Variants in BST1 observed in about 807,000 individuals in gnomAD.
The protein encoded by BST1 is ADP-ribosyl cyclase/cyclic ADP-ribose hydrolase 2.
BST1 carries 49 observed loss-of-function variants against 40.6 expected under a neutral mutation model. The ratio of observed to expected loss-of-function variants is 1.21; its 90% CI spans 0.96 to 1.53. BST1 has a LOEUF of 1.53. Ranked by LOEUF, BST1 falls within the 40% of genes most tolerant of loss-of-function variation. The pLI is 0.00. For synonymous variants in BST1, 157 were observed against 159.3 expected, an observed-to-expected ratio of 0.99 and a Z score of 0.11; for missense variants, 423 against 395.9, an observed-to-expected ratio of 1.07 and a Z score of -0.58.
the BST1 span, among the ~76,000 whole-genome samples, chr4:15,770,855 T>C: frequency 6.6e-6 from 1 of 152,198 alleles, no homozygotes; most frequent in Non-Finnish European, 1.5e-5. Context: ...GATTCAACTC[T>C]CAAAAGAATT....
chr4:15,722,294 T>C (rs1233141376), intron 7 of BST1, among the ~76,000 whole-genome samples: 6 of 152,256 alleles, frequency 3.9e-5, no homozygotes, highest in Non-Finnish European at 7.3e-5. Context: ...GCTTTCTCAA[T>C]TGTAAATTGG....
chr4:15,740,979 G>C (rs117990951), downstream of BST1, among the ~76,000 whole-genome samples: 1 of 151,900 alleles, frequency 6.6e-6, no homozygotes, highest in Non-Finnish European at 1.5e-5. Context: ...GTCATGAACC[G>C]CAGAGTTGAG....
chr4:15,758,183 G>A, the BST1 span, among the ~76,000 whole-genome samples: 2 of 151,908 alleles, frequency 1.3e-5, no homozygotes, highest in Non-Finnish European at 2.9e-5. Flanking sequence ...ACATGGGCAG[G>A]TTTGTTACAC....
chr4:15,707,699 A>G, intron 3 of BST1, 53 bp downstream of exon 3: 1 of 1,596,298 alleles, frequency 6.3e-7, no homozygotes, highest in Non-Finnish European at 8.5e-7. Flanking sequence ...TTTACTATGC[A>G]TTACCATTTG....
rs932629232 is a variant in BST1 at position 15,717,021 on chromosome 4, C to G, written c.704+1222C>G. ...TGAATTCCTGACCTCAGGTGATCCA[C>G]CTGAGGCTTCAGCCTCCCAAAGTAC... is the stretch of plus-strand genomic sequence containing the variant. On this transcript the variant is annotated intron_variant, in intron 6 of 8. Coordinates refer to ENST00000265016, the MANE Select transcript of BST1 (RefSeq NM_004334.3). Among the ~76,000 whole-genome samples, 5 of 152,112 alleles carry G rather than the reference C, an allele frequency of 3.3e-5. No homozygotes were observed. In the East Asian group the frequency reaches 9.6e-4, roughly 29 times the overall value.
At chr4:15,745,285 C>T in the BST1 span, among the ~76,000 whole-genome samples, 1 of 152,076 alleles carries the variant, frequency 6.6e-6, no homozygotes, top group African/African-American at 2.4e-5. Context: ...AAAATTATGA[C>T]ACCAATATTT....
At chr4:15,758,306 C>A in the BST1 span, among the ~76,000 whole-genome samples, 26,656 of 152,052 alleles carry the variant, frequency 0.18, 2,527 homozygotes, top group African/African-American at 0.24. Flanking sequence ...CGCCCTGTCT[C>A]CTCTAGTAGT....
downstream of BST1, among the ~76,000 whole-genome samples, chr4:15,743,042 T>C (rs1466670042): frequency 6.6e-6 from 1 of 152,236 alleles, no homozygotes; most frequent in African/African-American, 2.4e-5. Flanking sequence ...TAATTTTTCC[T>C]TATACTTTAA....
In BST1 at chr4:15,711,798, A is replaced by G. The variant is rs765530564; in HGVS notation, c.452-9A>G. On this transcript the variant is annotated splice_polypyrimidine_tract_variant and intron_variant, in intron 3 of 8. Coordinates refer to ENST00000265016, the MANE Select transcript of BST1 (RefSeq NM_004334.3). ...TGGAATAAAATGTGTTTGTCTACTTACCCCTTAGGACTCGATTACCAATCC... is the reference window on the plus strand; with the variant it reads ...TGGAATAAAATGTGTTTGTCTACTTGCCCCTTAGGACTCGATTACCAATCC... The G allele has an allele frequency of 1.6e-5, 25 of 1,603,616 alleles. No individual in the cohort carries two copies. Among genetic ancestry groups the G allele is most frequent in the Non-Finnish European group, 2.1e-5 (24 of 1,170,602 alleles).
the BST1 span, among the ~76,000 whole-genome samples, chr4:15,747,437 A>G: frequency 6.6e-6 from 1 of 152,116 alleles, no homozygotes; most frequent in South Asian, 2.1e-4. Flanking sequence ...TCCCATAATG[A>G]TATCACTACC....
intron 3 of BST1, among the ~76,000 whole-genome samples, 174 bp downstream of exon 3, chr4:15,707,820 G>A (rs936723012): frequency 1.4e-5 from 2 of 145,318 alleles, no homozygotes; most frequent in South Asian, 2.2e-4. Context: ...AACTTTGCAG[G>A]TGCCAGTCTA....
the BST1 span, among the ~76,000 whole-genome samples, chr4:15,761,456 G>C: frequency 6.6e-6 from 1 of 151,890 alleles, no homozygotes; most frequent in Non-Finnish European, 1.5e-5. Flanking sequence ...ATAATACAGG[G>C]AACGTATTGA....
chr4:15,750,407 G>T, the BST1 span, among the ~76,000 whole-genome samples: 1 of 152,296 alleles, frequency 6.6e-6, no homozygotes, highest in South Asian at 2.1e-4. Context: ...CTCAACATAA[G>T]CAAAGAGTAT....
the BST1 span, among the ~76,000 whole-genome samples, chr4:15,758,641 C>A: frequency 6.6e-6 from 1 of 152,164 alleles, no homozygotes. Flanking sequence ...CAATAGATTT[C>A]AAAGAAACTT....
At chr4:15,731,501 A>G in intron 8 of BST1, 1 of 1,015,286 alleles carries the variant, frequency 9.8e-7, no homozygotes, top group South Asian at 1.3e-5. Flanking sequence ...CCTTCTGGGG[A>G]GTCATAGTTC....
At chr4:15,767,212 A>G in the BST1 span, among the ~76,000 whole-genome samples, 31 of 152,314 alleles carry the variant, frequency 2.0e-4, no homozygotes, top group Non-Finnish European at 4.0e-4. Context: ...TGGCACACAG[A>G]AAGCCAAAGG....
chr4:15,748,390 G>C, the BST1 span, among the ~76,000 whole-genome samples: 12 of 152,262 alleles, frequency 7.9e-5, no homozygotes, highest in African/African-American at 2.9e-4. Flanking sequence ...TCCAGGCAAA[G>C]GGAGCTGCTA....
chr4:15,765,262 A>C, the BST1 span, among the ~76,000 whole-genome samples: 2 of 152,008 alleles, frequency 1.3e-5, no homozygotes, highest in African/African-American at 2.4e-5. Flanking sequence ...AAAATCTTGG[A>C]GTTGTCTCTG....
chr4:15,746,984 T>C, the BST1 span, among the ~76,000 whole-genome samples: 3 of 152,144 alleles, frequency 2.0e-5, no homozygotes, highest in African/African-American at 7.2e-5. Context: ...ATTCCATTCC[T>C]CCAAATGCAC....
Sources: allele counts gnomAD v4.1 joint callset (sites outside exome capture counted in the v4.1 genomes callset), GRCh38; gene constraint gnomAD v4.1.1; transcripts MANE v1.5; gene names NCBI Gene and HGNC (gene_info 2026-07-23, HGNC 2026-07-21).